Variants in USP13 observed in about 807,000 individuals in gnomAD.
USP13 encodes the protein ubiquitin specific peptidase 13, also known as ubiquitin carboxyl-terminal hydrolase 13.
In USP13, 68 loss-of-function variants were observed where a neutral mutation model predicts 107.8. The ratio of observed to expected loss-of-function variants is 0.63; its 90% CI spans 0.52 to 0.77. The LOEUF (loss-of-function observed/expected upper bound fraction) is 0.77, where lower values mean the gene tolerates loss of function less well. Among genes scored for constraint, USP13 ranks in the 30% least tolerant of loss-of-function variants. The pLI is 0.00. For synonymous variants in USP13, 377 were observed against 389.5 expected (o/e 0.97, Z 0.38); for missense variants, 945 against 1,093.3 (o/e 0.86, Z 1.91).
At chr3:179,659,872 T>A (rs1720405576) in intron 1 of USP13, among the ~76,000 whole-genome samples, 4 of 152,046 alleles carry the variant, frequency 2.6e-5, no homozygotes, top group Admixed American at 1.3e-4. Flanking sequence ...TGAAACCCCG[T>A]CTCTACTAAA....
At chr3:179,774,494 A>G (rs1715445404) in intron 19 of USP13, among the ~76,000 whole-genome samples, 1 of 150,346 alleles carries the variant, frequency 6.7e-6, no homozygotes, top group Non-Finnish European at 1.5e-5. Flanking sequence ...GGCAAGTGCT[A>G]CAGCTCTTAA....
chr3:179,656,860 T>G (rs1720278106), intron 1 of USP13, among the ~76,000 whole-genome samples: 2 of 152,210 alleles, frequency 1.3e-5, no homozygotes, highest in African/African-American at 4.8e-5. Context: ...GTCTAGCATC[T>G]GGTATATATA....
intron 2 of USP13, 109 bp downstream of exon 2, chr3:179,682,112 C>G (rs1394360055): frequency 7.2e-7 from 1 of 1,395,350 alleles, no homozygotes; most frequent in Non-Finnish European, 9.6e-7. Flanking sequence ...TTCCGATTCC[C>G]TTTGACGATG....
chr3:179,664,814 G>A (rs376390275), intron 1 of USP13, among the ~76,000 whole-genome samples: 6 of 152,180 alleles, frequency 3.9e-5, no homozygotes, highest in African/African-American at 1.2e-4. Context: ...AAGATGGTGC[G>A]TGGTGGCTCA....
At chr3:179,691,478 C>T (rs949562423) in intron 3 of USP13, among the ~76,000 whole-genome samples, 7 of 152,104 alleles carry the variant, frequency 4.6e-5, no homozygotes, top group East Asian at 1.9e-4. Context: ...GAAGTATGTA[C>T]GTATGCATTT....
chr3:179,673,965 T>C (rs1422266662), intron 1 of USP13, among the ~76,000 whole-genome samples: 1 of 152,202 alleles, frequency 6.6e-6, no homozygotes, highest in Non-Finnish European at 1.5e-5. Flanking sequence ...CGATCTTGGC[T>C]CACCGCAACC....
At chr3:179,713,416 G>A (rs1712998805) in intron 6 of USP13, among the ~76,000 whole-genome samples, 1 of 152,034 alleles carries the variant, frequency 6.6e-6, no homozygotes, top group African/African-American at 2.4e-5. Context: ...GTAACATATT[G>A]TTTATTTAAA....
At chr3:179,763,567 GTC>G in intron 17 of USP13, among the ~76,000 whole-genome samples, 1 of 152,182 alleles carries the variant, frequency 6.6e-6, no homozygotes, top group Non-Finnish European at 1.5e-5. Context: ...CGATCCATAT[GTC>G]TGCCTATATA....
chr3:179,719,353 G>C (rs1713223610), intron 6 of USP13, among the ~76,000 whole-genome samples: 1 of 152,148 alleles, frequency 6.6e-6, no homozygotes. Context: ...CAGATCTCTC[G>C]CTGGTTCTGT....
intron 10 of USP13, among the ~76,000 whole-genome samples, chr3:179,735,292 G>A (rs1713957412): frequency 6.6e-6 from 1 of 152,158 alleles, no homozygotes; most frequent in South Asian, 2.1e-4. Flanking sequence ...GGCCCATAGG[G>A]GACACTCAGG....
intron 2 of USP13, among the ~76,000 whole-genome samples, chr3:179,684,222 G>C (rs1307456844): frequency 1.3e-5 from 2 of 150,654 alleles, no homozygotes; most frequent in Admixed American, 6.7e-5. Context: ...GCCTCCCAAA[G>C]TGCTGGGATT....
chr3:179,775,945 G>A (rs72622568), intron 19 of USP13, among the ~76,000 whole-genome samples: 24,114 of 152,178 alleles, frequency 0.16, 2,034 homozygotes, highest in East Asian at 0.21. Context: ...CAGTGCAGCG[G>A]TGGGCTGAAG....
chr3:179,690,342 G>T (rs1221516156), intron 3 of USP13, 41 bp downstream of exon 3: 1 of 1,569,410 alleles, frequency 6.4e-7, no homozygotes, highest in Admixed American at 1.7e-5. Context: ...TTGTGTTTGT[G>T]TGTGTGTATA....
In USP13 at chr3:179,736,445, A is replaced by G. The variant is rs114164164; in HGVS notation, c.1255-3802A>G. On this transcript the variant is annotated intron_variant, in intron 10 of 20. Transcript: ENST00000263966. The stretch of plus-strand genomic sequence containing the variant: ...ATGGGGATGGGTGTTAGCAGATGGG[A>G]CCAGGTGATGATCAAGGCACTAAGC... Among the ~76,000 whole-genome samples the G allele has an allele frequency of 2.7e-3, 414 of 152,288 alleles. 2 individuals are homozygous for G. Among genetic ancestry groups the G allele is most frequent in the African/African-American group, 9.6e-3 (398 of 41,548 alleles).
In USP13 at chr3:179,688,182, C is replaced by A. The variant is rs1432269060; in HGVS notation, c.295-2059C>A. The stretch of plus-strand genomic sequence containing the variant: ...CCATCCATCCGTATATCCATCCATC[C>A]ATCCATTCATCAATCCATCCATCCA... On this transcript the variant is annotated intron_variant, in intron 2 of 20. Transcript: ENST00000263966. Among the ~76,000 whole-genome samples the A allele has an allele frequency of 2.1e-4, 27 of 127,536 alleles. 1 individual carries two copies. Among genetic ancestry groups the A allele is most frequent in the Non-Finnish European group, 2.9e-4 (17 of 59,462 alleles). The allele number at this position is 127,536 out of a possible 152,430, so 83.7% of individuals were successfully genotyped here. A position where few individuals can be genotyped will look rare whatever the true frequency, so the allele number is the denominator to read the frequency against.
chr3:179,708,845 T>C lies in USP13; in HGVS notation c.693T>C (p.Cys231=), dbSNP rs774396546. Residue 231 remains cysteine, a synonymous_variant, in exon 6 of 21, where the codon TGT becomes TGC. Transcript: ENST00000263966. ...ATCTGACTGACGGCTCTGTCCTGTG[T>C]GGAAAGTGGTTCTTTGACAGCTCTG... ...WLNLTDGSVL[C]GKWFFDSSGG... 6.2e-7 allele frequency: 1 copy of C among 1,614,106 alleles called. No homozygotes were observed. The highest frequency in any genetic ancestry group is 2.2e-5 in the East Asian group (1 of 44,880).
chr3:179,708,765 C>T lies in USP13; in HGVS notation c.621-8C>T, dbSNP rs761374055. 3.7e-6 allele frequency: 6 copies of T among 1,613,924 alleles called. No individual in the cohort carries two copies. In the East Asian group the frequency reaches 1.3e-4, roughly 36 times the overall value. ...GGCTGTTCTGACTACTCTCCAATGG[C>T]TTTCCAGTGGTTGGAAGTGTGCCAG... On this transcript the variant is annotated splice_polypyrimidine_tract_variant and splice_region_variant and intron_variant, in intron 5 of 20. Transcript: ENST00000263966.
chr3:179,664,857 G>A (rs1172808353), intron 1 of USP13, among the ~76,000 whole-genome samples: 1 of 152,180 alleles, frequency 6.6e-6, no homozygotes, highest in Non-Finnish European at 1.5e-5. Context: ...GGAGGCTGAG[G>A]TGGGCGGATC....
chr3:179,741,279 G>A (rs1293422045), intron 11 of USP13, among the ~76,000 whole-genome samples: 2 of 151,524 alleles, frequency 1.3e-5, no homozygotes, highest in African/African-American at 4.9e-5. Context: ...GCAGTGGCAC[G>A]ATCTTGGCCC....
Sources: allele counts gnomAD v4.1 joint callset (sites outside exome capture counted in the v4.1 genomes callset), GRCh38; gene constraint gnomAD v4.1.1; transcripts MANE v1.5; gene names NCBI Gene and HGNC (gene_info 2026-07-23, HGNC 2026-07-21).